CREB5: variants seen among roughly 807,000 people sequenced by gnomAD.
CREB5 encodes the protein cAMP responsive element binding protein 5.
In CREB5, 19 loss-of-function variants were observed where a neutral mutation model predicts 57.1. The observed-to-expected ratio is 0.33, with a 90% confidence interval of 0.23 to 0.49. The LOEUF is 0.49. Among genes scored for constraint, CREB5 ranks in the 20% least tolerant of loss-of-function variants. The pLI is 0.99. For missense variants in CREB5, 579 were observed against 671.6 expected (o/e 0.86, Z 1.52); for synonymous variants, 238 against 238.3 (o/e 1.00, Z 0.01).
chr7:28,386,568 C>T (rs1475960534), intron 1 of CREB5, among the ~76,000 whole-genome samples: 1 of 152,124 alleles, frequency 6.6e-6, no homozygotes, highest in Non-Finnish European at 1.5e-5. Flanking sequence ...TATTATCTTT[C>T]ATCTATTCTC....
At chr7:28,608,640 T>C (rs929759259) in intron 5 of CREB5, among the ~76,000 whole-genome samples, 15 of 152,182 alleles carry the variant, frequency 9.9e-5, no homozygotes, top group Non-Finnish European at 2.1e-4. Context: ...CATAAGGACT[T>C]ACATCAGTAA....
At chr7:28,492,104 A>AAT (rs1791832161) in intron 2 of CREB5, among the ~76,000 whole-genome samples, 1 of 152,144 alleles carries the variant, frequency 6.6e-6, no homozygotes, top group Non-Finnish European at 1.5e-5. Context: ...GGTTCAAGCG[A>AAT]TTCTCCTGCC....
At chr7:28,522,435 G>T (rs188324527) in intron 4 of CREB5, among the ~76,000 whole-genome samples, 8 of 127,136 alleles carry the variant, frequency 6.3e-5, no homozygotes. Flanking sequence ...TCACTCCGTC[G>T]CCCAGCCTGG....
chr7:28,788,162 G>C (rs746544331), intron 7 of CREB5, among the ~76,000 whole-genome samples: 3 of 152,064 alleles, frequency 2.0e-5, no homozygotes. Flanking sequence ...TTGCTGTGGG[G>C]CGAGGGGGCT....
chr7:28,531,229 C>T (rs776508227), intron 4 of CREB5, among the ~76,000 whole-genome samples: 4 of 152,086 alleles, frequency 2.6e-5, no homozygotes, highest in Non-Finnish European at 5.9e-5. Context: ...GTACCCTAGA[C>T]TGGGTGGCTT....
rs77634276 is a variant in CREB5, at chr7:28,723,069, C to T, written c.592-1153C>T. Among the ~76,000 whole-genome samples the T allele has an allele frequency of 5.4e-4, 82 of 152,284 alleles. 2 individuals carry two copies. In the East Asian group the frequency reaches 0.014, roughly 27 times the overall value. The stretch of plus-strand genomic sequence containing the variant: ...GAACACCTCCAATAGCAAGCAACTC[C>T]GTATTTTCCAAGACTACCTAGGCTA... On this transcript the variant is annotated intron_variant, in intron 6 of 10. Coordinates refer to ENST00000357727, the MANE Select transcript of CREB5 (RefSeq NM_182898.4).
intron 4 of CREB5, among the ~76,000 whole-genome samples, chr7:28,529,156 G>T (rs1562776990): frequency 6.6e-6 from 1 of 152,210 alleles, no homozygotes; most frequent in Non-Finnish European, 1.5e-5. Flanking sequence ...TATTCCTGTG[G>T]CCTGCTGGGC....
chr7:28,762,725 G>T (rs1418182302), intron 7 of CREB5, among the ~76,000 whole-genome samples: 3 of 146,216 alleles, frequency 2.1e-5, no homozygotes, highest in East Asian at 2.0e-4. Context: ...CTTGGCTATG[G>T]TTTTTTTTTT....
intron 4 of CREB5, among the ~76,000 whole-genome samples, chr7:28,515,413 C>T (rs563046621): frequency 6.6e-4 from 100 of 152,318 alleles, no homozygotes; most frequent in African/African-American, 2.3e-3. Flanking sequence ...GTCAAGTCCA[C>T]CCAGACAATT....
intron 1 of CREB5, among the ~76,000 whole-genome samples, chr7:28,452,116 A>T (rs946925328): frequency 2.0e-5 from 3 of 152,132 alleles, no homozygotes; most frequent in Non-Finnish European, 4.4e-5. Flanking sequence ...TCTATCATGG[A>T]TGTCAGCGTC....
intron 7 of CREB5, among the ~76,000 whole-genome samples, chr7:28,748,578 G>T (rs1405257597): frequency 6.6e-6 from 1 of 152,156 alleles, no homozygotes; most frequent in Admixed American, 6.5e-5. Context: ...AAATACCCAG[G>T]GCAGGCTTTG....
At chr7:28,488,077 G>T (rs919099806) in intron 1 of CREB5, 98 bp from the exon 2 acceptor site, 5 of 1,017,984 alleles carry the variant, frequency 4.9e-6, no homozygotes, top group African/African-American at 1.6e-5. Flanking sequence ...GCATAGAAAG[G>T]GGGCTCTGAG....
chr7:28,623,177 C>T (rs1797868684), intron 5 of CREB5, among the ~76,000 whole-genome samples: 10 of 152,194 alleles, frequency 6.6e-5, no homozygotes. Context: ...GCCACTGCAC[C>T]TGTCCCCATC....
chr7:28,686,186 G>C, intron 5 of CREB5: 1 of 1,612,172 alleles, frequency 6.2e-7, no homozygotes, highest in South Asian at 1.1e-5. Context: ...CAGCCTCAGT[G>C]ATGTCCATGA....
intron 7 of CREB5, among the ~76,000 whole-genome samples, chr7:28,737,485 TTCTC>T (rs142651748): frequency 1.5e-4 from 20 of 135,208 alleles, no homozygotes; most frequent in East Asian, 1.3e-3. Context: ...ACATAGTAAT[TTCTC>T]TCTCTCTCTC....
At chr7:28,412,079 A>G (rs1018996952), upstream of CREB5, among the ~76,000 whole-genome samples, 4 of 152,234 alleles carry the variant, frequency 2.6e-5, no homozygotes, top group Non-Finnish European at 5.9e-5. Flanking sequence ...GAGGATTAAC[A>G]GGCTCTTTAG....
chr7:28,402,651 T>C (rs1787494484), intron 1 of CREB5, among the ~76,000 whole-genome samples: 1 of 152,200 alleles, frequency 6.6e-6, no homozygotes, highest in Non-Finnish European at 1.5e-5. Context: ...ATCCTTTCCT[T>C]ACACCTCATA....
chr7:28,360,892 G>C (rs911712649), intron 1 of CREB5, among the ~76,000 whole-genome samples: 1 of 152,068 alleles, frequency 6.6e-6, no homozygotes. Flanking sequence ...TCTCCACTGG[G>C]GGAAGCTTTG....
intron 3 of CREB5, among the ~76,000 whole-genome samples, chr7:28,496,205 T>C (rs1792037702): frequency 1.3e-5 from 2 of 152,226 alleles, no homozygotes; most frequent in African/African-American, 4.8e-5. Context: ...AGTTTCCTGT[T>C]ATTCTTCTTA....
Sources: gnomAD v4.1 joint callset for allele counts (sites outside exome capture counted in the v4.1 genomes callset) on GRCh38, gnomAD v4.1.1 for gene constraint, MANE v1.5 for transcripts, NCBI Gene and HGNC (gene_info 2026-07-23, HGNC 2026-07-21) for gene names.